FLVCR1: variants seen among roughly 807,000 people sequenced by gnomAD.
The protein encoded by FLVCR1 is FLVCR choline and heme transporter 1, also known as choline/ethanolamine transporter FLVCR1.
FLVCR1 carries 34 observed loss-of-function variants against 53.6 expected under a neutral mutation model. The ratio of observed to expected loss-of-function variants is 0.63; its 90% CI spans 0.48 to 0.84. The LOEUF is 0.84. FLVCR1 is among the 40% of genes least tolerant of loss of function. The probability of loss-of-function intolerance (pLI) is 0.00; values close to 1 mark genes in which losing one functional copy is unlikely to be tolerated. For missense variants in FLVCR1, 677 were observed against 696.7 expected (o/e 0.97, Z 0.32); for synonymous variants, 300 against 286.3 (o/e 1.05, Z -0.48).
At chr1:212,874,688 C>G (rs1664706518) in intron 3 of FLVCR1, among the ~76,000 whole-genome samples, 1 of 151,640 alleles carries the variant, frequency 6.6e-6, no homozygotes, top group African/African-American at 2.4e-5. Flanking sequence ...GCCACCACGC[C>G]CAGCTAATTT....
intron 4 of FLVCR1, among the ~76,000 whole-genome samples, chr1:212,884,711 CATT>C (rs1388450624): frequency 2.0e-5 from 3 of 152,102 alleles, no homozygotes; most frequent in African/African-American, 7.2e-5. Flanking sequence ...TAGGCAATTT[CATT>C]GTTGTGTGAA....
chr1:212,875,114 C>T (rs1664719116), intron 3 of FLVCR1, among the ~76,000 whole-genome samples: 1 of 149,440 alleles, frequency 6.7e-6, no homozygotes, highest in South Asian at 2.2e-4. Context: ...TTATTTATTC[C>T]ATCAATAGCT....
rs41258034 is a variant in FLVCR1 at position 212,895,667 on chromosome 1, T to C, written c.*377T>C. On this transcript the variant is annotated 3_prime_UTR_variant, in exon 10 of 10. Coordinates refer to ENST00000366971, the MANE Select transcript of FLVCR1 (RefSeq NM_014053.4). ...GATAATATGGGGTGTTCAGTCCCCA[T>C]AAGATATAATAGTTCATGCAGTTTA... 5,141 of 298,850 alleles carry C rather than the reference T, an allele frequency of 0.017. 122 individuals are homozygous for C. The highest frequency in any genetic ancestry group is 0.069 in the African/African-American group (3,111 of 45,416). The allele number at this position is 298,850 out of a possible 1,614,324, so 18.5% of individuals were successfully genotyped here.
At chr1:212,866,781 A>G (rs1020816818) in intron 2 of FLVCR1, among the ~76,000 whole-genome samples, 7 of 152,340 alleles carry the variant, frequency 4.6e-5, no homozygotes, top group East Asian at 1.9e-4. Flanking sequence ...AATGGGAAAT[A>G]TGGCATTAAA....
rs552624866 is a variant in FLVCR1, at chr1:212,862,971, A to G, written c.739-754A>G. Among the ~76,000 whole-genome samples, 10 of 152,308 alleles carry G rather than the reference A, an allele frequency of 6.6e-5. No homozygotes were observed. The Middle Eastern group carries it at 0.01, about 155-fold the overall frequency. On this transcript the variant is annotated intron_variant, in intron 1 of 9. Coordinates refer to ENST00000366971, the MANE Select transcript of FLVCR1 (RefSeq NM_014053.4). ...GTATATCTTCTTTGGAGAAATGTCT[A>G]TTCAAGTCTTTTGCCCATTTTAAAA...
chr1:212,895,078 C>A (rs752530665), intron 9 of FLVCR1, 25 bp downstream of exon 9: 2 of 1,421,708 alleles, frequency 1.4e-6, no homozygotes, highest in Non-Finnish European at 1.0e-6. Flanking sequence ...TATGATTATA[C>A]TGTTGAGAAG....
At chr1:212,861,813 G>A (rs917116890) in intron 1 of FLVCR1, among the ~76,000 whole-genome samples, 25 of 151,968 alleles carry the variant, frequency 1.6e-4, no homozygotes, top group African/African-American at 5.8e-4. Flanking sequence ...GGGACTACAG[G>A]CACCCGCCTC....
Position 212,895,475 on chromosome 1 carries a change from T to C in FLVCR1, c.*185T>C. 1.6e-6 allele frequency: 1 copy of C among 618,332 alleles called. No individual in the cohort carries two copies. The highest frequency in any genetic ancestry group is 1.9e-5 in the South Asian group (1 of 52,476). The allele number at this position is 618,332 out of a possible 1,614,324, so 38.3% of individuals were successfully genotyped here. A position where few individuals can be genotyped will look rare whatever the true frequency, so the allele number is the denominator to read the frequency against. The stretch of plus-strand genomic sequence containing the variant: ...TTAATTGTTAAATTAAGGGAAATTT[T>C]CTTAAAATTCTTCTGTTTACATCAT... On this transcript the variant is annotated 3_prime_UTR_variant, in exon 10 of 10. Coordinates refer to ENST00000366971, the MANE Select transcript of FLVCR1 (RefSeq NM_014053.4).
intron 1 of FLVCR1, among the ~76,000 whole-genome samples, chr1:212,862,979 CTT>C (rs955634570): frequency 2.6e-5 from 4 of 152,254 alleles, no homozygotes; most frequent in Middle Eastern, 6.8e-3. Context: ...CTATTCAAGT[CTT>C]TTGCCCATTT....
At chr1:212,886,039 G>GTTTTTTTTTTTTTTTTTTTTTT (rs1477656980) in intron 5 of FLVCR1, among the ~76,000 whole-genome samples, 1 of 66,306 alleles carries the variant, frequency 1.5e-5, no homozygotes, top group African/African-American at 5.7e-5. Context: ...ACTTTATCTT[G>GTTTTTTTTTTTTTTTTTTTTTT]TTCTTTTTTT....
At chr1:212,894,110 A>ATTTT (rs34844418) in intron 8 of FLVCR1, among the ~76,000 whole-genome samples, 7 of 149,954 alleles carry the variant, frequency 4.7e-5, no homozygotes, top group African/African-American at 1.7e-4. Context: ...ATGTAGATTG[A>ATTTT]TTTTTTTTTT....
In FLVCR1 at chr1:212,895,016, A is replaced by G. The variant is rs745546439; in HGVS notation, c.1556A>G (p.Asn519Ser). Residue 519 changes from asparagine to serine, a missense_variant, in exon 9 of 10, where the codon AAC becomes AGC. Asn to Ser is a conservative substitution (Grantham distance 46, BLOSUM62 1). Transcript: ENST00000366971. ...ATCAAGTCTGATCTGCGAAGACACAACATAAATATAGGAATTACAAATGTT... is the reference window on the plus strand; with the variant it reads ...ATCAAGTCTGATCTGCGAAGACACAGCATAAATATAGGAATTACAAATGTT... ...ALIKSDLRRH[N>S]INIGITNVDV... 8 of 1,602,670 alleles carry G rather than the reference A, an allele frequency of 5.0e-6. No individual in the cohort carries two copies. The highest frequency in any genetic ancestry group is 2.2e-5 in the East Asian group (1 of 44,762).
At chr1:212,866,191 G>T (rs1314431844) in intron 2 of FLVCR1, among the ~76,000 whole-genome samples, 1 of 151,950 alleles carries the variant, frequency 6.6e-6, no homozygotes, top group Non-Finnish European at 1.5e-5. Flanking sequence ...CACCATGTTG[G>T]CCAGGCTGGT....
intron 2 of FLVCR1, among the ~76,000 whole-genome samples, chr1:212,869,582 C>G (rs1664538887): frequency 6.6e-6 from 1 of 152,212 alleles, no homozygotes; most frequent in Admixed American, 6.5e-5. Flanking sequence ...TTCACTCTGT[C>G]GCCCAGGCTG....
chr1:212,878,005 A>T (rs542710678), intron 3 of FLVCR1, among the ~76,000 whole-genome samples: 2 of 152,252 alleles, frequency 1.3e-5, no homozygotes, highest in South Asian at 4.1e-4. Context: ...GCAAACCATG[A>T]CCCATGAGCC....
chr1:212,864,052 A>G (rs1664336653), intron 2 of FLVCR1, among the ~76,000 whole-genome samples, 183 bp downstream of exon 2: 1 of 152,128 alleles, frequency 6.6e-6, no homozygotes, highest in Admixed American at 6.6e-5. Flanking sequence ...CACTACATTT[A>G]TTTTCACATT....
chr1:212,863,545 C>T (rs1039310596), intron 1 of FLVCR1, 180 bp from the exon 2 acceptor site: 25 of 560,102 alleles, frequency 4.5e-5, no homozygotes, highest in Middle Eastern at 5.0e-4. Context: ...GCCAAGATTG[C>T]GTCACTGCAC....
chr1:212,883,513 G>A (rs1664975984), intron 4 of FLVCR1, 75 bp downstream of exon 4: 3 of 773,262 alleles, frequency 3.9e-6, no homozygotes, highest in Non-Finnish European at 6.9e-6. Context: ...CGTTAGCAGG[G>A]TCATGAGATT....
At chr1:212,885,550 C>CATTTT in intron 5 of FLVCR1, 154 bp downstream of exon 5, 1 of 295,364 alleles carries the variant, frequency 3.4e-6, no homozygotes, top group Non-Finnish European at 6.1e-6. Flanking sequence ...ACAAGTGTTT[C>CATTTT]TTTTTTTTTT....
Sources: gnomAD v4.1 joint callset for allele counts (sites outside exome capture counted in the v4.1 genomes callset) on GRCh38, gnomAD v4.1.1 for gene constraint, MANE v1.5 for transcripts, NCBI Gene and HGNC (gene_info 2026-07-23, HGNC 2026-07-21) for gene names.